The following LONRF1 variants were observed in gnomAD, a reference collection of about 807,000 sequenced individuals.
The protein encoded by LONRF1 is LON peptidase N-terminal domain and ring finger 1.
Under a neutral mutation model 85.8 loss-of-function variants are expected in LONRF1, and 37 were observed. That is an observed-to-expected ratio of 0.43 (90% CI 0.33 to 0.57). LONRF1 has a LOEUF of 0.57. Ranked by LOEUF, LONRF1 falls within the 20% of genes least tolerant of loss-of-function variation. The pLI, the probability that LONRF1 is intolerant of heterozygous loss-of-function variation, is 0.04. For missense variants in LONRF1, 1,036 were observed against 978.0 expected (o/e 1.06, Z -0.79); for synonymous variants, 517 against 390.1 (o/e 1.33, Z -3.83).
chr8:12,725,614 G>C, intron 11 of LONRF1, 113 bp downstream of exon 11: 1 of 1,024,666 alleles, frequency 9.8e-7, no homozygotes, highest in Non-Finnish European at 1.4e-6. Flanking sequence ...GCGGGGGAGG[G>C]GACAGTCAAA....
At chr8:12,743,082 T>A in intron 2 of LONRF1, 82 bp downstream of exon 2, 1 of 904,218 alleles carries the variant, frequency 1.1e-6, no homozygotes, top group Non-Finnish European at 1.8e-6. Context: ...TCTACTTTGT[T>A]AAAATTCCTA....
chr8:12,745,218 A>G (rs1257868170), intron 1 of LONRF1, among the ~76,000 whole-genome samples: 1 of 152,032 alleles, frequency 6.6e-6, no homozygotes, highest in Non-Finnish European at 1.5e-5. Context: ...CCCTAAGTAG[A>G]GATAAAAAGA....
At chr8:12,747,124 A>G (rs2117328681) in intron 1 of LONRF1, among the ~76,000 whole-genome samples, 1 of 152,318 alleles carries the variant, frequency 6.6e-6, no homozygotes, top group Admixed American at 6.5e-5. Context: ...CTTAAGCTCA[A>G]TTCATGTTCC....
chr8:12,731,626 C>T lies in LONRF1; in HGVS notation c.1688+110G>A. On this transcript the variant is annotated intron_variant, in intron 8 of 11. Transcript: ENST00000398246. ...TGAGGACCACGGAAACAGACCAATACTTCTTGACTAGACTGAGATGAACTA... is the reference window on the plus strand; with the variant it reads ...TGAGGACCACGGAAACAGACCAATATTTCTTGACTAGACTGAGATGAACTA... The T allele has an allele frequency of 3.3e-6, 3 of 905,666 alleles. No homozygotes were observed. In the South Asian group the frequency reaches 5.7e-5, roughly 17 times the overall value. 56.1% of individuals were successfully genotyped at this position (905,666 alleles called of 1,614,324 possible).
intron 6 of LONRF1, 139 bp from the exon 7 acceptor site, chr8:12,735,539 G>A: frequency 1.6e-6 from 1 of 608,658 alleles, no homozygotes. Context: ...GAGAGAAAGG[G>A]CAGTGATAAG....
At chr8:12,725,300 G>A (rs1385914423) in intron 11 of LONRF1, among the ~76,000 whole-genome samples, 3 of 152,216 alleles carry the variant, frequency 2.0e-5, no homozygotes, top group Non-Finnish European at 4.4e-5. Context: ...ACAAAGAAAG[G>A]TGAGAAAAGA....
chr8:12,724,893 C>G (rs917086244), intron 11 of LONRF1, among the ~76,000 whole-genome samples: 1 of 152,160 alleles, frequency 6.6e-6, no homozygotes, highest in Non-Finnish European at 1.5e-5. Flanking sequence ...GGGATTCAGA[C>G]AAATGTAGAC....
intron 10 of LONRF1, among the ~76,000 whole-genome samples, chr8:12,727,905 A>G (rs972138606): frequency 1.6e-4 from 24 of 152,224 alleles, no homozygotes; most frequent in African/African-American, 5.8e-4. Context: ...GCATAGTGAT[A>G]AAGCTCAAAG....
rs558021667 is a variant in LONRF1, at chr8:12,747,556, G to A, written c.722-4274C>T. On this transcript the variant is annotated intron_variant, in intron 1 of 11. Coordinates refer to ENST00000398246, the MANE Select transcript of LONRF1 (RefSeq NM_152271.5). ...GACTTTTATTTGTGATTCTAGGAAT[G>A]GGCAACAGCTCATTCTATAAAATGG... 1.2e-4 allele frequency among the ~76,000 whole-genome samples: 19 copies of A among 152,232 alleles called. 1 individual carries two copies. In the South Asian group the frequency reaches 3.5e-3, roughly 28 times the overall value.
intron 11 of LONRF1, among the ~76,000 whole-genome samples, chr8:12,723,675 A>G (rs1479333170): frequency 6.6e-6 from 1 of 152,248 alleles, no homozygotes; most frequent in East Asian, 1.9e-4. Context: ...CTTCCCATCC[A>G]GCTGTGACAG....
Position 12,755,488 on chromosome 8 carries a change from C to T in LONRF1, c.-68G>A, listed in dbSNP as rs897592408. ...CCGGAGCCTCCCGGGCGCGCGGCTC[C>T]GCACGCGGCCCGCGAGCAGGGGGGC... is the stretch of plus-strand genomic sequence containing the variant. On this transcript the variant is annotated 5_prime_UTR_variant, in exon 1 of 12. Coordinates refer to ENST00000398246, the MANE Select transcript of LONRF1 (RefSeq NM_152271.5). The T allele has an allele frequency of 2.3e-6, 2 of 871,460 alleles. No homozygotes were observed. Among genetic ancestry groups the T allele is most frequent in the Non-Finnish European group, 2.8e-6 (2 of 715,460 alleles). The allele number at this position is 871,460 out of a possible 1,614,324, so 54.0% of individuals were successfully genotyped here. A position where few individuals can be genotyped will look rare whatever the true frequency, so the allele number is the denominator to read the frequency against.
intron 10 of LONRF1, 114 bp from the exon 11 acceptor site, chr8:12,725,993 G>C (rs1798282795): frequency 2.3e-6 from 2 of 873,586 alleles, no homozygotes; most frequent in African/African-American, 1.7e-5. Context: ...ACCTGTTTCA[G>C]TGCTGACGTC....
chr8:12,752,690 G>C (rs1474450225), intron 1 of LONRF1, among the ~76,000 whole-genome samples: 2 of 152,192 alleles, frequency 1.3e-5, no homozygotes, highest in African/African-American at 2.4e-5. Flanking sequence ...CAGAATCTCT[G>C]TTAACTAAAA....
rs756046396 is a variant in LONRF1 at position 12,738,098 on chromosome 8, T to C, written c.1010A>G (p.Lys337Arg). The C allele has an allele frequency of 2.1e-5, 34 of 1,603,972 alleles. No homozygotes were observed. The highest frequency in any genetic ancestry group is 3.4e-5 in the Admixed American group (2 of 59,234). ...TGGTAATGAACTCCAGGAAGATTCC[T>C]TCAGGCCTTCTTTTAAGTTTTCAGG... ...LLPENLKEGL[K>R]ESSWSSLPCT... is the part of the protein sequence containing the mutation. Residue 337 changes from lysine to arginine, a missense_variant, in exon 4 of 12, where the codon AAG becomes AGG. Lys to Arg is a conservative substitution (Grantham distance 26). This residue lies in a region of LONRF1 where 742 missense variants were observed against 614.4 expected (regional missense o/e 1.21). Transcript: ENST00000398246.
chr8:12,748,355 C>T (rs1799248019), intron 1 of LONRF1, among the ~76,000 whole-genome samples: 1 of 151,544 alleles, frequency 6.6e-6, no homozygotes. Context: ...GCCTCCACAC[C>T]TGGCTAATTT....
At chr8:12,738,280 T>C in intron 3 of LONRF1, 136 bp from the exon 4 acceptor site, 1 of 577,002 alleles carries the variant, frequency 1.7e-6, no homozygotes, top group Non-Finnish European at 2.8e-6. Context: ...GGGAACAAGG[T>C]AAGCAACACT....
chr8:12,747,419 A>G (rs1341349337), intron 1 of LONRF1, among the ~76,000 whole-genome samples: 2 of 152,234 alleles, frequency 1.3e-5, no homozygotes, highest in Admixed American at 6.5e-5. Context: ...TACTCATACA[A>G]TTTGAAAAAT....
At position 12,733,054 on chromosome 8, in the gene LONRF1, C is replaced by T. The variant is rs1012616401; in HGVS notation, c.1567-1197G>A. Among the ~76,000 whole-genome samples the T allele has an allele frequency of 6.0e-4, 91 of 152,184 alleles. 4 individuals carry two copies. Among genetic ancestry groups the T allele is most frequent in the Admixed American group, 2.4e-3 (36 of 15,284 alleles). ...GCTTGTTAAAATACAGACTACTGAGCCCCACGCCAGAGTCTCTGAGCATCT... is the reference window on the plus strand; with the variant it reads ...GCTTGTTAAAATACAGACTACTGAGTCCCACGCCAGAGTCTCTGAGCATCT... On this transcript the variant is annotated intron_variant, in intron 7 of 11. Transcript: ENST00000398246.
rs1023147474 is a variant in LONRF1, at chr8:12,742,764, T to C, written c.840+400A>G. Among the ~76,000 whole-genome samples the C allele has an allele frequency of 5.3e-5, 8 of 151,834 alleles. No individual in the cohort carries two copies. The South Asian group carries it at 1.0e-3, about 20-fold the overall frequency. On this transcript the variant is annotated intron_variant, in intron 2 of 11. Transcript: ENST00000398246. Reference sequence around the variant, plus strand: ...AACCTAGATTTTTTTTGAGACAGGGTCTGACACCAAGGCTGGAATGCAGTG... The same window carrying C: ...AACCTAGATTTTTTTTGAGACAGGGCCTGACACCAAGGCTGGAATGCAGTG...
Sources: gnomAD v4.1 joint callset for allele counts (sites outside exome capture counted in the v4.1 genomes callset) on GRCh38, gnomAD v4.1.1 for gene constraint, gnomAD v4.1.1 regional missense constraint, MANE v1.5 for transcripts, NCBI Gene and HGNC (gene_info 2026-07-23, HGNC 2026-07-21) for gene names.